PCDHGA1: variants seen among roughly 807,000 people sequenced by gnomAD.
PCDHGA1 encodes the protein protocadherin gamma-A1.
PCDHGA1 carries 32 observed loss-of-function variants against 58.0 expected under a neutral mutation model. The ratio of observed to expected loss-of-function variants is 0.55; its 90% CI spans 0.42 to 0.74. The LOEUF (loss-of-function observed/expected upper bound fraction) is 0.74. Ranked by LOEUF, PCDHGA1 falls within the 30% of genes least tolerant of loss-of-function variation. The probability of loss-of-function intolerance (pLI) is 0.00; values close to 1 mark genes in which losing one functional copy is unlikely to be tolerated. For synonymous variants in PCDHGA1, 498 were observed against 501.1 expected (o/e 0.99, Z 0.08); for missense variants, 1,205 against 1,182.3 (o/e 1.02, Z -0.28).
At chr5:141,344,397 G>T (rs1346546972) in intron 1 of PCDHGA1, 2 of 1,611,536 alleles carry the variant, frequency 1.2e-6, no homozygotes, top group Non-Finnish European at 1.7e-6. Flanking sequence ...AGTAGAAATA[G>T]AAATTAAAGA....
At chr5:141,498,372 C>A (rs1008996197) in intron 2 of PCDHGA1, among the ~76,000 whole-genome samples, 3 of 151,730 alleles carry the variant, frequency 2.0e-5, no homozygotes, top group Admixed American at 1.3e-4. Flanking sequence ...GTGGTGAGGC[C>A]TCCTGGGATC....
At chr5:141,345,521 C>T in intron 1 of PCDHGA1, 1 of 1,614,154 alleles carries the variant, frequency 6.2e-7, no homozygotes, top group Non-Finnish European at 8.5e-7. Flanking sequence ...AGGACACTCT[C>T]CAGGGGGCGC....
In PCDHGA1 at chr5:141,486,748, T is replaced by C; in HGVS notation, c.2422-8059T>C. ...TTCATGCTACTCGATCCTTTGACTA[T>C]GAGCAAACCCAGACACTGCAGTTTG... is the stretch of plus-strand genomic sequence containing the variant. On this transcript the variant is annotated intron_variant, in intron 1 of 3. Coordinates refer to ENST00000517417, the MANE Select transcript of PCDHGA1 (RefSeq NM_018912.3). The surrounding 1 kb of genome is among the most constrained non-coding windows in gnomAD (Gnocchi z 5.0). 6.2e-7 allele frequency: 1 copy of C among 1,614,230 alleles called. No individual in the cohort carries two copies. The highest frequency in any genetic ancestry group is 8.5e-7 in the Non-Finnish European group (1 of 1,180,042).
At position 141,487,080 on chromosome 5, in the gene PCDHGA1, C is replaced by G. The variant is rs2154580766; in HGVS notation, c.2422-7727C>G. 1 of 1,614,126 alleles carries G rather than the reference C, an allele frequency of 6.2e-7. No individual in the cohort carries two copies. Among genetic ancestry groups the G allele is most frequent in the East Asian group, 2.2e-5 (1 of 44,872 alleles). On this transcript the variant is annotated intron_variant, in intron 1 of 3. Coordinates refer to ENST00000517417, the MANE Select transcript of PCDHGA1 (RefSeq NM_018912.3). This position sits in a 1 kb window ranked among gnomAD's most constrained non-coding sequence, Gnocchi z 5.0. ...GTGCGGACGGCTGTTCCTATCCCAG[C>G]TGACCTCCCACCACAGAAGCTGGTC...
chr5:141,483,869 G>A (rs2099587910), intron 1 of PCDHGA1, among the ~76,000 whole-genome samples: 1 of 152,126 alleles, frequency 6.6e-6, no homozygotes, highest in South Asian at 2.1e-4. Flanking sequence ...GTCCAGATCA[G>A]GATGGATTTT....
chr5:141,494,764 T>A (rs773955144), intron 1 of PCDHGA1, 43 bp from the exon 2 acceptor site: 1 of 1,613,932 alleles, frequency 6.2e-7, no homozygotes, highest in Non-Finnish European at 8.5e-7. Context: ...ACATTCTAAC[T>A]TCTCACGGGT....
intron 1 of PCDHGA1, chr5:141,372,545 C>T (rs778761799): frequency 6.2e-7 from 1 of 1,614,032 alleles, no homozygotes; most frequent in South Asian, 1.1e-5. Flanking sequence ...GCCTGCGATG[C>T]TCCTCCAGAC....
At chr5:141,503,396 A>G (rs1025780031) in intron 2 of PCDHGA1, among the ~76,000 whole-genome samples, 2 of 151,944 alleles carry the variant, frequency 1.3e-5, no homozygotes, top group African/African-American at 2.4e-5. Flanking sequence ...GGAGTTCGAA[A>G]CCAACCTGGC....
chr5:141,332,805 C>G lies in PCDHGA1; in HGVS notation c.2121C>G (p.Phe707Leu), dbSNP rs1317119344. The G allele has an allele frequency of 1.2e-6, 2 of 1,614,222 alleles. No individual in the cohort carries two copies. The stretch of plus-strand genomic sequence containing the variant: ...CGGTCTCCTGCGTCTTCCTGGCCTT[C>G]GTCATCGTGCTGCTGGCGCACAGGC... The part of the protein sequence containing the change: ...AAAVSCVFLA[F>L]VIVLLAHRLR... The change falls in exon 1 of 4, where the codon TTC becomes TTG. Residue 707 changes from phenylalanine to leucine, a missense_variant. Phe to Leu is a conservative substitution (Grantham distance 22). Transcript: ENST00000517417. This position sits in a 1 kb window ranked among gnomAD's most constrained non-coding sequence, Gnocchi z 4.6.
rs768938171 is a variant in PCDHGA1 at position 141,487,276 on chromosome 5, C to T, written c.2422-7531C>T. ...TGGCTGTGTCCCTAGTGGCAATTTG[C>T]TTTGTCTCCTTTGGCTCATTCGTGG... On this transcript the variant is annotated intron_variant, in intron 1 of 3. Transcript: ENST00000517417. The surrounding 1 kb of genome is among the most constrained non-coding windows in gnomAD (Gnocchi z 5.0). The T allele has an allele frequency of 2.5e-6, 4 of 1,614,158 alleles. No homozygotes were observed. The East Asian group carries it at 8.9e-5, about 36-fold the overall frequency.
chr5:141,433,587 G>A (rs1228017153), intron 1 of PCDHGA1, among the ~76,000 whole-genome samples: 1 of 152,068 alleles, frequency 6.6e-6, no homozygotes, highest in African/African-American at 2.4e-5. Flanking sequence ...TGTAATCCCA[G>A]TACTTTGGGA....
chr5:141,350,158 CCTAA>C, intron 1 of PCDHGA1: 1 of 1,055,330 alleles, frequency 9.5e-7, no homozygotes. Flanking sequence ...CCCTCGAGCG[CCTAA>C]CTAATAAGTC....
chr5:141,396,935 C>T (rs545100008), intron 1 of PCDHGA1, among the ~76,000 whole-genome samples: 1 of 152,240 alleles, frequency 6.6e-6, no homozygotes, highest in South Asian at 2.1e-4. Flanking sequence ...ATGAAAGTTG[C>T]CCTGGTAGGA....
intron 1 of PCDHGA1, chr5:141,408,720 A>G (rs1325828281): frequency 6.2e-7 from 1 of 1,611,214 alleles, no homozygotes; most frequent in African/African-American, 1.3e-5. Context: ...TATAAGATAA[A>G]CTCTAATCCT....
chr5:141,347,257 G>A (rs926144126), intron 1 of PCDHGA1, among the ~76,000 whole-genome samples: 1 of 151,442 alleles, frequency 6.6e-6, no homozygotes, highest in Non-Finnish European at 1.5e-5. Flanking sequence ...AGACTCAAGT[G>A]ATCCTCCCAC....
Position 141,351,824 on chromosome 5 carries a change from C to A in PCDHGA1, c.2421+18719C>A. The A allele has an allele frequency of 3.1e-6, 5 of 1,613,200 alleles. No individual in the cohort carries two copies. Reference sequence around the variant, plus strand: ...GCGCGCCTTCGACCACGAGCAGCTGCGCGCCTTCGAGCTCACACTGCAGGC... The same window carrying A: ...GCGCGCCTTCGACCACGAGCAGCTGAGCGCCTTCGAGCTCACACTGCAGGC... On this transcript the variant is annotated intron_variant, in intron 1 of 3. Transcript: ENST00000517417.
At position 141,491,137 on chromosome 5, in the gene PCDHGA1, GC is replaced by G. The variant is rs1373404184; in HGVS notation, c.2422-3668del. ...CACTGGTGAGGTGCGCACAGCCCGG[GC>G]CTTACTGGAGGATGACTCTGACACC... On this transcript the variant is annotated intron_variant, in intron 1 of 3. Transcript: ENST00000517417. This position sits in a 1 kb window ranked among gnomAD's most constrained non-coding sequence, Gnocchi z 6.9. The G allele has an allele frequency of 1.2e-6, 2 of 1,614,156 alleles. No individual in the cohort carries two copies. Among genetic ancestry groups the G allele is most frequent in the Non-Finnish European group, 1.7e-6 (2 of 1,180,008 alleles).
At position 141,332,348 on chromosome 5, in the gene PCDHGA1, A is replaced by C; in HGVS notation, c.1664A>C (p.Gln555Pro). ...NVSLSLFLLD[Q>P]NDNAPEILYP... ...TCTCTCAGCCTATTCCTGCTGGACC[A>C]GAACGACAACGCGCCCGAGATCCTG... is the stretch of plus-strand genomic sequence containing the variant. Residue 555 changes from glutamine to proline, a missense_variant, in exon 1 of 4, where the codon CAG becomes CCG. Transcript: ENST00000517417. This position sits in a 1 kb window ranked among gnomAD's most constrained non-coding sequence, Gnocchi z 4.6. The C allele has an allele frequency of 6.2e-7, 1 of 1,614,212 alleles. No individual in the cohort carries two copies. Among genetic ancestry groups the C allele is most frequent in the South Asian group, 1.1e-5 (1 of 91,090 alleles).
At chr5:141,389,567 G>A in intron 1 of PCDHGA1, 1 of 1,613,250 alleles carries the variant, frequency 6.2e-7, no homozygotes, top group South Asian at 1.1e-5. Flanking sequence ...CACGGGTGCT[G>A]TACCCCGCGC....
Sources: gnomAD v4.1 joint callset for allele counts (sites outside exome capture counted in the v4.1 genomes callset) on GRCh38, gnomAD v4.1.1 for gene constraint, Gnocchi (gnomAD v3.1) non-coding constraint, MANE v1.5 for transcripts, NCBI Gene and HGNC (gene_info 2026-07-23, HGNC 2026-07-21) for gene names.